CTNNA2: variants seen among roughly 807,000 people sequenced by gnomAD.
The protein encoded by CTNNA2 is catenin alpha 2.
In CTNNA2, 42 loss-of-function variants were observed where a neutral mutation model predicts 101.0. The ratio of observed to expected loss-of-function variants is 0.42; its 90% confidence interval spans 0.32 to 0.54. The LOEUF (loss-of-function observed/expected upper bound fraction) is 0.54. Ranked by LOEUF, CTNNA2 falls within the 20% of genes least tolerant of loss-of-function variation. The pLI, the probability that CTNNA2 is intolerant of heterozygous loss-of-function variation, is 0.14. For missense variants in CTNNA2, 871 were observed against 1,223.1 expected (o/e 0.71, Z 4.29); for synonymous variants, 450 against 456.4 (o/e 0.99, Z 0.18).
intron 7 of CTNNA2, among the ~76,000 whole-genome samples, chr2:80,121,228 T>G (rs1701814472): frequency 6.6e-6 from 1 of 152,190 alleles, no homozygotes; most frequent in East Asian, 1.9e-4. Context: ...AGATTTTAGA[T>G]TTTTACAACG....
intron 7 of CTNNA2, among the ~76,000 whole-genome samples, chr2:80,132,614 T>A (rs1400051429): frequency 1.3e-5 from 2 of 152,118 alleles, no homozygotes; most frequent in African/African-American, 2.4e-5. Context: ...GCCCAAATAC[T>A]CAGCAGTGAA....
chr2:79,455,113 G>A (rs1670801614), intron 4 of CTNNA2, among the ~76,000 whole-genome samples: 1 of 152,160 alleles, frequency 6.6e-6, no homozygotes, highest in South Asian at 2.1e-4. Context: ...GAGGGCAGAA[G>A]ACTAAGTGAC....
rs999694901 is a variant in CTNNA2 at position 80,099,621 on chromosome 2, T to C, written c.1056+189824T>C. ...TCAGAAGGCTGAAGAAGTTCCAATG[T>C]GGTGTGTGGTCACCAAAATGCAGAT... On this transcript the variant is annotated intron_variant, in intron 7 of 18. Coordinates refer to ENST00000402739, the MANE Select transcript of CTNNA2 (RefSeq NM_001282597.3). Among the ~76,000 whole-genome samples, 5 of 151,352 alleles carry C rather than the reference T, an allele frequency of 3.3e-5. No individual in the cohort carries two copies. The East Asian group carries it at 9.7e-4, about 29-fold the overall frequency.
intron 1 of CTNNA2, among the ~76,000 whole-genome samples, chr2:79,650,613 G>C (rs1402079564): frequency 7.0e-6 from 1 of 143,380 alleles, no homozygotes. Flanking sequence ...AGTCCTCTCT[G>C]TGTTTCTTTT....
chr2:80,293,210 G>T (rs1675420343), intron 7 of CTNNA2, among the ~76,000 whole-genome samples: 1 of 152,138 alleles, frequency 6.6e-6, no homozygotes, highest in Admixed American at 6.5e-5. Context: ...ACAGATTGTT[G>T]CATTGTTCCA....
intron 7 of CTNNA2, among the ~76,000 whole-genome samples, chr2:79,990,609 G>T (rs1421347003): frequency 6.6e-6 from 1 of 152,114 alleles, no homozygotes; most frequent in East Asian, 1.9e-4. Flanking sequence ...AATAGAGCCT[G>T]CCATAAAATA....
chr2:79,682,302 T>A (rs1385782124), intron 2 of CTNNA2, among the ~76,000 whole-genome samples: 1 of 147,594 alleles, frequency 6.8e-6, no homozygotes, highest in Non-Finnish European at 1.5e-5. Context: ...TCCCAGCTAC[T>A]CGGGAGGCTG....
intron 17 of CTNNA2, among the ~76,000 whole-genome samples, chr2:80,613,972 T>A (rs2149793842): frequency 6.6e-6 from 1 of 151,648 alleles, no homozygotes. Flanking sequence ...ATCAGTGCCA[T>A]TACTTGTCAT....
intron 9 of CTNNA2, among the ~76,000 whole-genome samples, chr2:80,454,552 G>A (rs1197482105): frequency 6.6e-6 from 1 of 152,204 alleles, no homozygotes; most frequent in African/African-American, 2.4e-5. Context: ...GTGTTCAAAT[G>A]TTAGATTTTT....
intron 7 of CTNNA2, among the ~76,000 whole-genome samples, chr2:80,372,835 C>T (rs1031845594): frequency 6.6e-6 from 1 of 152,156 alleles, no homozygotes; most frequent in Non-Finnish European, 1.5e-5. Context: ...TTGCTCCCCC[C>T]TTCCCCAGGA....
intron 2 of CTNNA2, among the ~76,000 whole-genome samples, chr2:79,216,976 T>A (rs559182976): frequency 8.9e-4 from 136 of 152,214 alleles, no homozygotes; most frequent in African/African-American, 2.9e-3. Context: ...CCTTCCTGAG[T>A]CCATGACTGG....
At chr2:79,974,242 T>C (rs1482032368) in intron 7 of CTNNA2, among the ~76,000 whole-genome samples, 1 of 152,156 alleles carries the variant, frequency 6.6e-6, no homozygotes, top group Non-Finnish European at 1.5e-5. Flanking sequence ...AGAAGTCTGC[T>C]GTAGAGATAA....
intron 12 of CTNNA2, among the ~76,000 whole-genome samples, chr2:80,568,067 G>A (rs998866924): frequency 1.3e-5 from 2 of 152,100 alleles, no homozygotes; most frequent in Non-Finnish European, 2.9e-5. Flanking sequence ...TGGCCTTGGC[G>A]AACTAGTTGA....
At chr2:79,464,238 T>G (rs1320447019) in intron 4 of CTNNA2, among the ~76,000 whole-genome samples, 1 of 152,034 alleles carries the variant, frequency 6.6e-6, no homozygotes, top group African/African-American at 2.4e-5. Context: ...CGGTGTTTGG[T>G]TTTTTTGTCC....
intron 2 of CTNNA2, chr2:79,687,716 T>A (rs991353125): frequency 2.1e-6 from 1 of 481,938 alleles, no homozygotes; most frequent in Non-Finnish European, 3.7e-6. Flanking sequence ...ATCTTTTGAA[T>A]GTATTGTGAC....
rs970481897 is a variant in CTNNA2 at position 79,469,315 on chromosome 2, C to G, written c.-134-35739C>G. Among the ~76,000 whole-genome samples the G allele has an allele frequency of 2.0e-5, 3 of 152,232 alleles. No homozygotes were observed. The South Asian group carries it at 6.2e-4, about 32-fold the overall frequency. ...ACATTCCTCGACACATACACCCTCCCAAGACTAAACCAGGAAGAAGTTCAA... is the reference window on the plus strand; with the variant it reads ...ACATTCCTCGACACATACACCCTCCGAAGACTAAACCAGGAAGAAGTTCAA... On this transcript the variant is annotated intron_variant, in intron 4 of 21. Transcript: ENST00000466387.
At chr2:80,093,269 C>T (rs1220449025) in intron 7 of CTNNA2, among the ~76,000 whole-genome samples, 2 of 151,856 alleles carry the variant, frequency 1.3e-5, no homozygotes, top group Admixed American at 6.6e-5. Context: ...GTTTTTTGTC[C>T]TTGCGATAGT....
intron 7 of CTNNA2, among the ~76,000 whole-genome samples, chr2:79,945,091 G>A (rs1364857253): frequency 6.6e-6 from 1 of 152,202 alleles, no homozygotes; most frequent in East Asian, 1.9e-4. Flanking sequence ...CACCCAGGCT[G>A]GAGTGCAGTG....
chr2:80,013,864 T>A (rs1470878463), intron 7 of CTNNA2, among the ~76,000 whole-genome samples: 1 of 152,244 alleles, frequency 6.6e-6, no homozygotes, highest in African/African-American at 2.4e-5. Flanking sequence ...TTCTCTCTGC[T>A]GGCTCCTCCT....
Sources: gnomAD v4.1 joint callset for allele counts (sites outside exome capture counted in the v4.1 genomes callset) on GRCh38, gnomAD v4.1.1 for gene constraint, MANE v1.5 for transcripts, NCBI Gene and HGNC (gene_info 2026-07-23, HGNC 2026-07-21) for gene names.